CFAP20DC: variants seen among roughly 807,000 people sequenced by gnomAD.
CFAP20DC encodes the protein protein CFAP20DC.
A neutral mutation model predicts 101.7 loss-of-function variants in CFAP20DC; 84 were observed. That is an observed-to-expected ratio of 0.83 (90% CI 0.69 to 0.99). The LOEUF (loss-of-function observed/expected upper bound fraction) is 0.99, where lower values mean the gene tolerates loss of function less well. Among genes scored for constraint, CFAP20DC ranks in the 50% least tolerant of loss-of-function variants. The pLI is 0.00. For synonymous variants in CFAP20DC, 359 were observed against 351.2 expected, an observed-to-expected ratio of 1.02 and a Z score of -0.25; for missense variants, 1,007 against 970.3, an observed-to-expected ratio of 1.04 and a Z score of -0.50.
At chr3:58,739,112 T>C (rs1038461576), downstream of CFAP20DC, among the ~76,000 whole-genome samples, 1 of 152,116 alleles carries the variant, frequency 6.6e-6, no homozygotes, top group African/African-American at 2.4e-5. Flanking sequence ...TTGGCAAAAG[T>C]GTCTATGTAT....
chr3:58,901,605 A>T (rs1258874379), intron 6 of CFAP20DC, among the ~76,000 whole-genome samples: 1 of 152,232 alleles, frequency 6.6e-6, no homozygotes, highest in Non-Finnish European at 1.5e-5. Flanking sequence ...ATTTCATTAC[A>T]ATGGTGAAAA....
chr3:58,770,602 G>A (rs897493486), intron 15 of CFAP20DC, among the ~76,000 whole-genome samples: 1 of 152,220 alleles, frequency 6.6e-6, no homozygotes, highest in East Asian at 1.9e-4. Flanking sequence ...AGAAGGAACA[G>A]CATGAAGTAC....
At chr3:58,812,259 T>C (rs1183928418) in intron 14 of CFAP20DC, among the ~76,000 whole-genome samples, 1 of 152,142 alleles carries the variant, frequency 6.6e-6, no homozygotes, top group East Asian at 1.9e-4. Flanking sequence ...TGCACACGTA[T>C]GTTTATTGCG....
intron 4 of CFAP20DC, among the ~76,000 whole-genome samples, chr3:58,937,997 A>C (rs1418494024): frequency 1.3e-5 from 2 of 152,168 alleles, no homozygotes; most frequent in African/African-American, 4.8e-5. Flanking sequence ...TTATTTCAGT[A>C]CTCTACACTA....
intron 4 of CFAP20DC, among the ~76,000 whole-genome samples, chr3:59,029,098 C>T (rs2093943390): frequency 6.6e-6 from 1 of 152,152 alleles, no homozygotes; most frequent in Non-Finnish European, 1.5e-5. Context: ...GGATCTTTCA[C>T]TCACAGAGTA....
chr3:59,048,668 T>C (rs749012150), intron 1 of CFAP20DC, among the ~76,000 whole-genome samples: 1 of 152,106 alleles, frequency 6.6e-6, no homozygotes, highest in Admixed American at 6.5e-5. Context: ...TGCAGACTAC[T>C]CCGAGAGCAC....
At chr3:58,916,772 T>C (rs193298583) in intron 5 of CFAP20DC, among the ~76,000 whole-genome samples, 123 of 152,262 alleles carry the variant, frequency 8.1e-4, no homozygotes, top group Middle Eastern at 3.4e-3. Flanking sequence ...TTAGCTGATA[T>C]TGATAAAGCT....
intron 15 of CFAP20DC, among the ~76,000 whole-genome samples, chr3:58,802,753 T>C (rs1310065970): frequency 1.3e-5 from 2 of 152,320 alleles, no homozygotes; most frequent in South Asian, 4.1e-4. Flanking sequence ...AAAAACAATA[T>C]ATGAATATAT....
chr3:58,796,430 G>A (rs1209738509), intron 15 of CFAP20DC, among the ~76,000 whole-genome samples: 1 of 152,178 alleles, frequency 6.6e-6, no homozygotes, highest in Non-Finnish European at 1.5e-5. Flanking sequence ...GGGCAGGCAG[G>A]GTTCAAGAGG....
Position 58,914,252 on chromosome 3 carries a change from C to A in CFAP20DC, c.394-388G>T, listed in dbSNP as rs1252391310. ...GTTCCTTCAAGGGGACTAATTTGATCACAATTAGCCACTCGTATTTGTTGA... is the reference window on the plus strand; with the variant it reads ...GTTCCTTCAAGGGGACTAATTTGATAACAATTAGCCACTCGTATTTGTTGA... On this transcript the variant is annotated intron_variant, in intron 5 of 16. Transcript: ENST00000482387. This position sits in a 1 kb window ranked among gnomAD's most constrained non-coding sequence, Gnocchi z 4.9. Among the ~76,000 whole-genome samples the A allele has an allele frequency of 5.9e-5, 9 of 152,098 alleles. No homozygotes were observed. The highest frequency in any genetic ancestry group is 1.3e-4 in the Non-Finnish European group (9 of 68,010).
At chr3:58,812,603 C>T (rs919772760) in intron 14 of CFAP20DC, among the ~76,000 whole-genome samples, 5 of 151,450 alleles carry the variant, frequency 3.3e-5, no homozygotes, top group Non-Finnish European at 7.4e-5. Context: ...ATAACTAATG[C>T]TAAATGACGA....
intron 14 of CFAP20DC, among the ~76,000 whole-genome samples, chr3:58,813,732 C>A (rs1024205862): frequency 6.6e-6 from 1 of 151,914 alleles, no homozygotes; most frequent in South Asian, 2.1e-4. Context: ...ATCTGATAAT[C>A]ACAGTCACTT....
chr3:59,008,570 G>A (rs960443432), intron 4 of CFAP20DC, among the ~76,000 whole-genome samples: 4 of 152,178 alleles, frequency 2.6e-5, no homozygotes, highest in African/African-American at 9.7e-5. Flanking sequence ...GGACATGTAT[G>A]AAACTGGAAA....
chr3:58,729,512 C>T lies in CFAP20DC; in HGVS notation c.198-11884G>A, dbSNP rs752379402. Among the ~76,000 whole-genome samples the T allele has an allele frequency of 1.3e-5, 2 of 151,982 alleles. No individual in the cohort carries two copies. The highest frequency in any genetic ancestry group is 2.4e-5 in the African/African-American group (1 of 41,358). On this transcript the variant is annotated intron_variant, in intron 3 of 3. Transcript: ENST00000486145. This position sits in a 1 kb window ranked among gnomAD's most constrained non-coding sequence, Gnocchi z 4.4. ...TAGATAAAAGAGTTGTTTTAAGACACTAGATAAGTTTGTTAATTTTAGTAA... is the reference window on the plus strand; with the variant it reads ...TAGATAAAAGAGTTGTTTTAAGACATTAGATAAGTTTGTTAATTTTAGTAA...
chr3:58,999,567 T>C lies in CFAP20DC; in HGVS notation c.278+39990A>G, dbSNP rs557232963. Among the ~76,000 whole-genome samples, 21 of 152,286 alleles carry C rather than the reference T, an allele frequency of 1.4e-4. No individual in the cohort carries two copies. The East Asian group carries it at 2.5e-3, about 18-fold the overall frequency. ...ATGATGGTATCCAGGCCTGGAGTTA[T>C]AGATCTTGCACAATTAAATGGACTC... On this transcript the variant is annotated intron_variant, in intron 4 of 16. Transcript: ENST00000482387.
At chr3:58,935,168 T>G (rs1326862576) in intron 5 of CFAP20DC, among the ~76,000 whole-genome samples, 2 of 152,166 alleles carry the variant, frequency 1.3e-5, no homozygotes, top group Admixed American at 1.3e-4. Context: ...GAACTCCCAT[T>G]CACAATTGCT....
At chr3:58,965,714 A>G (rs1341822653) in intron 4 of CFAP20DC, among the ~76,000 whole-genome samples, 1 of 152,234 alleles carries the variant, frequency 6.6e-6, no homozygotes, top group South Asian at 2.1e-4. Context: ...GAATTACATT[A>G]ACTTTCACAA....
chr3:58,862,944 T>C (rs1243560666), intron 12 of CFAP20DC: 11 of 971,122 alleles, frequency 1.1e-5, no homozygotes, highest in Non-Finnish European at 1.3e-5. Flanking sequence ...ATTTGAAACA[T>C]TTTAAAACTT....
chr3:58,911,443 G>A (rs1487494850), intron 6 of CFAP20DC, among the ~76,000 whole-genome samples: 1 of 152,108 alleles, frequency 6.6e-6, no homozygotes, highest in Non-Finnish European at 1.5e-5. Flanking sequence ...TCTCTTAGGA[G>A]AAGGAAGGAA....
Sources: allele counts gnomAD v4.1 joint callset (sites outside exome capture counted in the v4.1 genomes callset), GRCh38; gene constraint gnomAD v4.1.1; non-coding constraint Gnocchi (gnomAD v3.1); transcripts MANE v1.5; gene names NCBI Gene and HGNC (gene_info 2026-07-23, HGNC 2026-07-21).